CDK8: variants seen among roughly 807,000 people sequenced by gnomAD.
CDK8 encodes the protein cyclin-dependent kinase 8.
A neutral mutation model predicts 71.5 loss-of-function variants in CDK8; 29 were observed. The ratio of observed to expected loss-of-function variants is 0.41; its 90% CI spans 0.30 to 0.55. The LOEUF (loss-of-function observed/expected upper bound fraction) is 0.55, where lower values mean the gene tolerates loss of function less well. Among genes scored for constraint, CDK8 ranks in the 20% least tolerant of loss-of-function variants. The pLI, the probability that CDK8 is intolerant of heterozygous loss-of-function variation, is 0.37. For synonymous variants in CDK8, 161 were observed against 192.1 expected, an observed-to-expected ratio of 0.84 and a Z score of 1.34; for missense variants, 288 against 572.6, an observed-to-expected ratio of 0.50 and a Z score of 5.07.
chr13:26,260,327 A>G (rs1019209181), intron 1 of CDK8, among the ~76,000 whole-genome samples: 5 of 152,146 alleles, frequency 3.3e-5, no homozygotes, highest in African/African-American at 1.2e-4. Flanking sequence ...CGAACACCAT[A>G]ATTGTGTGTG....
At chr13:26,311,536 G>T (rs1874284214) in intron 1 of CDK8, among the ~76,000 whole-genome samples, 4 of 152,134 alleles carry the variant, frequency 2.6e-5, no homozygotes, top group South Asian at 4.2e-4. Flanking sequence ...GTACCTCATT[G>T]ATGTCACTAA....
At chr13:26,375,454 T>A (rs1231730794) in intron 4 of CDK8, among the ~76,000 whole-genome samples, 1 of 152,228 alleles carries the variant, frequency 6.6e-6, no homozygotes, top group Non-Finnish European at 1.5e-5. Flanking sequence ...GACACCCTTT[T>A]ATATTGCAAA....
rs545458421 is a variant in CDK8 at position 26,343,275 on chromosome 13, T to G, written c.204+5633T>G. ...GCCTATTCCTTCTAGGCTACAAACCTATACAGCATGTTGCTATACCGAATA... is the reference window on the plus strand; with the variant it reads ...GCCTATTCCTTCTAGGCTACAAACCGATACAGCATGTTGCTATACCGAATA... On this transcript the variant is annotated intron_variant, in intron 2 of 12. Coordinates refer to ENST00000381527, the MANE Select transcript of CDK8 (RefSeq NM_001260.3). 3.3e-5 allele frequency among the ~76,000 whole-genome samples: 5 copies of G among 152,300 alleles called. 1 individual carries two copies. The highest frequency in any genetic ancestry group is 1.2e-4 in the African/African-American group (5 of 41,562).
At chr13:26,293,174 G>A (rs142632032) in intron 1 of CDK8, among the ~76,000 whole-genome samples, 298 of 152,140 alleles carry the variant, frequency 2.0e-3, no homozygotes, top group African/African-American at 6.9e-3. Flanking sequence ...TTCAAACCTT[G>A]TATTTAATTT....
Position 26,404,911 on chromosome 13 carries a change from T to G in CDK8, c.*830T>G, listed in dbSNP as rs889196607. 1 of 209,824 alleles carries G rather than the reference T, an allele frequency of 4.8e-6. No homozygotes were observed. Among genetic ancestry groups the G allele is most frequent in the Non-Finnish European group, 9.7e-6 (1 of 103,364 alleles). 13.0% of individuals were successfully genotyped at this position (209,824 alleles called of 1,614,324 possible). On this transcript the variant is annotated 3_prime_UTR_variant, in exon 13 of 13. Coordinates refer to ENST00000381527, the MANE Select transcript of CDK8 (RefSeq NM_001260.3). ...AGCATGCTTTAAGATGAAAAAAGCATGAATGATAACTTCCTTAAAAAGGTG... is the reference window on the plus strand; with the variant it reads ...AGCATGCTTTAAGATGAAAAAAGCAGGAATGATAACTTCCTTAAAAAGGTG...
chr13:26,360,885 C>T (rs1415221183), intron 4 of CDK8, among the ~76,000 whole-genome samples: 8 of 152,156 alleles, frequency 5.3e-5, no homozygotes, highest in Non-Finnish European at 1.0e-4. Context: ...TCCCCCCATC[C>T]GTCTGCATTT....
At chr13:26,384,195 A>G (rs897724883) in intron 5 of CDK8, among the ~76,000 whole-genome samples, 2 of 152,048 alleles carry the variant, frequency 1.3e-5, no homozygotes, top group Admixed American at 6.5e-5. Flanking sequence ...AGTTCTGTAA[A>G]TCAGTATTTA....
intron 1 of CDK8, among the ~76,000 whole-genome samples, chr13:26,259,955 G>A (rs1871698800): frequency 6.6e-6 from 1 of 152,118 alleles, no homozygotes; most frequent in Non-Finnish European, 1.5e-5. Context: ...AAGGTATATG[G>A]CAACACAGAG....
chr13:26,396,509 G>C (rs1381261647), intron 8 of CDK8, among the ~76,000 whole-genome samples, 155 bp downstream of exon 8: 3 of 152,004 alleles, frequency 2.0e-5, no homozygotes, highest in African/African-American at 7.2e-5. Flanking sequence ...CATGATGACA[G>C]TCTTTATTTC....
chr13:26,287,224 A>G (rs2137894950), intron 1 of CDK8, among the ~76,000 whole-genome samples: 1 of 152,354 alleles, frequency 6.6e-6, no homozygotes, highest in Non-Finnish European at 1.5e-5. Flanking sequence ...ACAGTTGCAA[A>G]AAAATGGAGC....
intron 4 of CDK8, among the ~76,000 whole-genome samples, chr13:26,362,121 C>T (rs183444133): frequency 6.3e-4 from 96 of 151,862 alleles, no homozygotes; most frequent in African/African-American, 2.3e-3. Context: ...TATGACTGGC[C>T]TAGTAGCCAT....
chr13:26,396,411 G>C, intron 8 of CDK8, 57 bp downstream of exon 8: 1 of 690,354 alleles, frequency 1.4e-6, no homozygotes, highest in African/African-American at 1.8e-5. Context: ...AATACTCAGT[G>C]TAAGACTGAA....
chr13:26,395,742 A>G (rs1454885796), intron 7 of CDK8, among the ~76,000 whole-genome samples: 3 of 152,160 alleles, frequency 2.0e-5, no homozygotes, highest in Admixed American at 6.5e-5. Context: ...TATACTAATT[A>G]TATCCTACCC....
intron 2 of CDK8, among the ~76,000 whole-genome samples, chr13:26,338,570 G>A (rs1047595876): frequency 1.8e-4 from 28 of 152,074 alleles, no homozygotes; most frequent in Admixed American, 1.3e-3. Context: ...GTTTGGGAAC[G>A]AATGTAAGAA....
At chr13:26,347,169 A>G (rs1193867490) in intron 2 of CDK8, among the ~76,000 whole-genome samples, 1 of 152,166 alleles carries the variant, frequency 6.6e-6, no homozygotes, top group Non-Finnish European at 1.5e-5. Flanking sequence ...AGATAAGGAG[A>G]CAAAATATTT....
At chr13:26,368,878 A>G (rs762934431) in intron 4 of CDK8, among the ~76,000 whole-genome samples, 2 of 151,882 alleles carry the variant, frequency 1.3e-5, no homozygotes, top group Non-Finnish European at 2.9e-5. Flanking sequence ...TTACATTTAT[A>G]TTGTTTTCTT....
intron 1 of CDK8, among the ~76,000 whole-genome samples, chr13:26,314,527 TATGTA>T (rs1253828727): frequency 2.0e-5 from 3 of 152,250 alleles, no homozygotes; most frequent in African/African-American, 7.2e-5. Flanking sequence ...TTCAAACAGA[TATGTA>T]ATTGCAGAGT....
At chr13:26,288,204 C>T (rs372021643) in intron 1 of CDK8, among the ~76,000 whole-genome samples, 23 of 152,242 alleles carry the variant, frequency 1.5e-4, no homozygotes, top group Admixed American at 4.6e-4. Context: ...CCTCGTGATC[C>T]GCCTGCCTCG....
chr13:26,388,605 A>G (rs190151530), intron 6 of CDK8, among the ~76,000 whole-genome samples: 187 of 152,350 alleles, frequency 1.2e-3, no homozygotes, highest in African/African-American at 4.1e-3. Context: ...AGTAAAAAAT[A>G]TACTATCACA....
Sources: allele counts gnomAD v4.1 joint callset (sites outside exome capture counted in the v4.1 genomes callset), GRCh38; gene constraint gnomAD v4.1.1; transcripts MANE v1.5; gene names NCBI Gene and HGNC (gene_info 2026-07-23, HGNC 2026-07-21).